Variants in ZFYVE19 observed in about 807,000 individuals in gnomAD.
The protein encoded by ZFYVE19 is abscission/NoCut checkpoint regulator.
A neutral mutation model predicts 62.8 loss-of-function variants in ZFYVE19; 49 were observed. The ratio of observed to expected loss-of-function variants is 0.78; its 90% CI spans 0.62 to 0.99. The LOEUF (loss-of-function observed/expected upper bound fraction) is 0.99, where lower values mean the gene tolerates loss of function less well. Ranked by LOEUF, ZFYVE19 falls within the 50% of genes least tolerant of loss-of-function variation. The pLI is 0.00. For synonymous variants in ZFYVE19, 242 were observed against 234.3 expected, an observed-to-expected ratio of 1.03 and a Z score of -0.30; for missense variants, 630 against 601.9, an observed-to-expected ratio of 1.05 and a Z score of -0.49.
Position 40,813,985 on chromosome 15 carries a change from C to T in ZFYVE19, c.1252C>T (p.Leu418Phe). Residue 418 changes from leucine to phenylalanine, a missense_variant, in exon 10 of 11, where the codon CTC (leucine) becomes TTC (phenylalanine). Physicochemically the swap from Leu to Phe is conservative, Grantham distance 22 (BLOSUM62 0). Coordinates refer to ENST00000355341, the MANE Select transcript of ZFYVE19 (RefSeq NM_001077268.2). ...CAGGCCTGAGGCTGAGGAAGAGGAG[C>T]TCCCCTGGTGCTGCATCTGCAATGA... ...DPRPEAEEEE[L>F]PWCCICNEDA... The T allele has an allele frequency of 6.2e-7, 1 of 1,613,486 alleles. No individual in the cohort carries two copies. The highest frequency in any genetic ancestry group is 8.5e-7 in the Non-Finnish European group (1 of 1,179,678).
In ZFYVE19 at chr15:40,810,079, C is replaced by G. The variant is rs543051095; in HGVS notation, c.580C>G (p.Pro194Ala). ...CCCCATGCCAATTGCAGAGTTAGTC[C>G]CCTCACAGGCAGAGATAGAGGCACG... ...LRQENKPKLV[P>A]SQAEIEARLA... Residue 194 changes from proline (P) to alanine (A), a missense_variant, in exon 5 of 11, where the codon CCC becomes GCC. Transcript: ENST00000355341. 6.2e-7 allele frequency: 1 copy of G among 1,614,166 alleles called. No individual in the cohort carries two copies. Among genetic ancestry groups the G allele is most frequent in the African/African-American group, 1.3e-5 (1 of 75,044 alleles).
chr15:40,814,102 C>T (rs747949690), intron 10 of ZFYVE19, 32 bp downstream of exon 10: 1 of 1,614,178 alleles, frequency 6.2e-7, no homozygotes, highest in Non-Finnish European at 8.5e-7. Flanking sequence ...TGTGCGAGAG[C>T]TCAAGGGCTG....
Position 40,814,295 on chromosome 15 carries a change from G to A in ZFYVE19, c.*69G>A. On this transcript the variant is annotated 3_prime_UTR_variant, in exon 11 of 11. Coordinates refer to ENST00000355341, the MANE Select transcript of ZFYVE19 (RefSeq NM_001077268.2). Reference sequence around the variant, plus strand: ...CACCCATTTCTGGGCCCAGCCACAGGACGTCCGATGGGAGAGCTTGTCTGG... The same window carrying A: ...CACCCATTTCTGGGCCCAGCCACAGAACGTCCGATGGGAGAGCTTGTCTGG... 2 of 1,564,246 alleles carry A rather than the reference G, an allele frequency of 1.3e-6. No homozygotes were observed. Among genetic ancestry groups the A allele is most frequent in the Non-Finnish European group, 1.7e-6 (2 of 1,146,010 alleles).
At position 40,810,866 on chromosome 15, in the gene ZFYVE19, A is replaced by G. The variant is rs968525452; in HGVS notation, c.826+109A>G. The G allele has an allele frequency of 1.7e-5, 24 of 1,391,468 alleles. No homozygotes were observed. The East Asian group carries it at 4.3e-4, about 25-fold the overall frequency. 86.2% of individuals were successfully genotyped at this position (1,391,468 alleles called of 1,614,324 possible). ...ATGAATATAAATCGGAGAGTGATCA[A>G]CGTTATAAGAGTTACCATTCATTGA... On this transcript the variant is annotated intron_variant, in intron 6 of 10. Transcript: ENST00000355341.
intron 2 of ZFYVE19, 68 bp from the exon 3 acceptor site, chr15:40,809,340 G>A (rs1455192164): frequency 1.1e-5 from 18 of 1,613,886 alleles, no homozygotes; most frequent in South Asian, 3.3e-5. Context: ...AGCCGAGGAA[G>A]TGTTTGGAGT....
rs776150648 is a variant in ZFYVE19, at chr15:40,807,247, C to A, written c.-343C>A. 1 of 1,579,432 alleles carries A rather than the reference C, an allele frequency of 6.3e-7. No homozygotes were observed. Among genetic ancestry groups the A allele is most frequent in the South Asian group, 1.1e-5 (1 of 87,758 alleles). ...CCGCCTGCGGAGGGCATAGCGCCGA[C>A]CCTCGCTCCCCGCCCAGGACCCGAA... On this transcript the variant is annotated 5_prime_UTR_variant, in exon 1 of 11. Coordinates refer to ENST00000355341, the MANE Select transcript of ZFYVE19 (RefSeq NM_001077268.2).
chr15:40,813,918 C>T (rs369795423), intron 9 of ZFYVE19, 25 bp from the exon 10 acceptor site: 17 of 1,593,098 alleles, frequency 1.1e-5, no homozygotes, highest in African/African-American at 1.3e-5. Flanking sequence ...ACCTTACTTC[C>T]TCCATTCCTC....
Position 40,807,474 on chromosome 15 carries a change from A to G in ZFYVE19, c.-116A>G. Reference sequence around the variant, plus strand: ...TTCCGGCCTGACGGATTCGTACTACAACTCCCAAGAGTCTAAGCGCGCGTG... The same window carrying G: ...TTCCGGCCTGACGGATTCGTACTACGACTCCCAAGAGTCTAAGCGCGCGTG... On this transcript the variant is annotated 5_prime_UTR_variant, in exon 1 of 11. Transcript: ENST00000355341. 1.2e-6 allele frequency: 2 copies of G among 1,613,938 alleles called. No homozygotes were observed. The highest frequency in any genetic ancestry group is 1.7e-6 in the Non-Finnish European group (2 of 1,179,816).
chr15:40,807,661 C>A lies in ZFYVE19; in HGVS notation c.72C>A (p.Phe24Leu). The part of the protein sequence containing the change: ...PYAGCRRASG[F>L]PALGRGGTVP... The stretch of plus-strand genomic sequence containing the variant: ...CTGGCTGCAGGAGAGCGTCCGGATT[C>A]CCTGCTCTAGGTCGCGGCGGGACAG... Residue 24 changes from phenylalanine (F) to leucine (L), a missense_variant, in exon 1 of 11, where the codon TTC (phenylalanine) becomes TTA (leucine). Physicochemically the swap from Phe to Leu is conservative, Grantham distance 22 (BLOSUM62 0). Transcript: ENST00000355341. The A allele has an allele frequency of 6.2e-7, 1 of 1,612,510 alleles. No individual in the cohort carries two copies. The highest frequency in any genetic ancestry group is 8.5e-7 in the Non-Finnish European group (1 of 1,179,742).
At chr15:40,810,871 A>T in intron 6 of ZFYVE19, 114 bp downstream of exon 6, 6 of 1,359,468 alleles carry the variant, frequency 4.4e-6, no homozygotes, top group Non-Finnish European at 5.0e-6. Context: ...GATCAACGTT[A>T]TAAGAGTTAC....
intron 6 of ZFYVE19, chr15:40,811,004 T>A: frequency 4.4e-6 from 2 of 452,204 alleles, no homozygotes. Flanking sequence ...CTGGACAAGT[T>A]ACTTGACCTA....
Position 40,814,406 on chromosome 15 carries a change from G to A in ZFYVE19, c.*180G>A, listed in dbSNP as rs1180529319. 3 of 743,528 alleles carry A rather than the reference G, an allele frequency of 4.0e-6. No homozygotes were observed. Among genetic ancestry groups the A allele is most frequent in the Non-Finnish European group, 6.5e-6 (3 of 464,048 alleles). The allele number at this position is 743,528 out of a possible 1,614,324, so 46.1% of individuals were successfully genotyped here. On this transcript the variant is annotated 3_prime_UTR_variant, in exon 11 of 11. Transcript: ENST00000355341. ...TCTCCATTCGAGAGAATGACTGGGA[G>A]GGAAGAAGTCGGGGCCCTCCTATTA...
In ZFYVE19 at chr15:40,814,044, G is replaced by A; in HGVS notation, c.1311G>A (p.Gly437=). 6.2e-7 allele frequency: 1 copy of A among 1,614,038 alleles called. No individual in the cohort carries two copies. Among genetic ancestry groups the A allele is most frequent in the Non-Finnish European group, 8.5e-7 (1 of 1,179,938 alleles). ...CCCTACGCTGCGCTGGCTGCGATGGGGACCTCTTCTGTGCCCGCTGCTTCC... is the reference window on the plus strand; with the variant it reads ...CCCTACGCTGCGCTGGCTGCGATGGAGACCTCTTCTGTGCCCGCTGCTTCC... ...DATLRCAGCD[G]DLFCARCFRE... The change falls in exon 10 of 11, where the codon GGG becomes GGA. Residue 437 remains glycine, a synonymous_variant. Transcript: ENST00000355341.
At position 40,809,246 on chromosome 15, in the gene ZFYVE19, A is replaced by T; in HGVS notation, c.401+6A>T. The stretch of plus-strand genomic sequence containing the variant: ...TGCCATGAGGTCCTGACCAGGTAAG[A>T]GGCAGGCATGGGTGAAAGTTCAGCC... On this transcript the variant is annotated splice_donor_region_variant and intron_variant, in intron 2 of 10. Transcript: ENST00000355341. The T allele has an allele frequency of 1.9e-6, 3 of 1,614,030 alleles. No individual in the cohort carries two copies. Among genetic ancestry groups the T allele is most frequent in the Non-Finnish European group, 2.5e-6 (3 of 1,179,952 alleles).
At chr15:40,813,444 C>G in intron 8 of ZFYVE19, 27 bp downstream of exon 8, 1 of 1,576,198 alleles carries the variant, frequency 6.3e-7, no homozygotes. Context: ...CACCTGCCAC[C>G]CCTTGTCCCG....
Position 40,807,434 on chromosome 15 carries a change from T to C in ZFYVE19, c.-156T>C, listed in dbSNP as rs777087065. 7 of 1,614,132 alleles carry C rather than the reference T, an allele frequency of 4.3e-6. No individual in the cohort carries two copies. In the African/African-American group the frequency reaches 5.3e-5, roughly 12 times the overall value. On this transcript the variant is annotated 5_prime_UTR_variant, in exon 1 of 11. Transcript: ENST00000355341. ...TACAGGTCCATCTGTAAGAGCTCCTTGGTCACTGCCATGGTTCCGGCCTGA... is the reference window on the plus strand; with the variant it reads ...TACAGGTCCATCTGTAAGAGCTCCTCGGTCACTGCCATGGTTCCGGCCTGA...
chr15:40,813,227 A>G (rs1890552835), intron 7 of ZFYVE19, 111 bp from the exon 8 acceptor site: 1 of 1,041,758 alleles, frequency 9.6e-7, no homozygotes, highest in Non-Finnish European at 1.4e-6. Context: ...CAGCTCTGGA[A>G]TAAGTGCCCC....
chr15:40,809,490 T>G (rs757156951), intron 3 of ZFYVE19, 32 bp downstream of exon 3: 1 of 1,612,332 alleles, frequency 6.2e-7, no homozygotes, highest in Non-Finnish European at 8.5e-7. Flanking sequence ...ACAAAGAGCA[T>G]TGGGGAAAGG....
In ZFYVE19 at chr15:40,814,225, G is replaced by A. The variant is rs184274693; in HGVS notation, c.1415G>A (p.Ter472=). The A allele has an allele frequency of 1.2e-6, 2 of 1,614,174 alleles. No individual in the cohort carries two copies. Among genetic ancestry groups the A allele is most frequent in the East Asian group, 2.2e-5 (1 of 44,886 alleles). ...CCTCCACGTGCAGGCCAAGAGCACT[G>A]AAGACACCCTGGTCCTCCCGGAAGG... The part of the protein sequence containing the change: ...YSPPRAGQEH[*] The change falls in exon 11 of 11, where the codon TGA becomes TAA. Residue 472 remains the stop codon, a stop_retained_variant. Coordinates refer to ENST00000355341, the MANE Select transcript of ZFYVE19 (RefSeq NM_001077268.2).
Sources: allele counts gnomAD v4.1 joint callset, GRCh38; gene constraint gnomAD v4.1.1; transcripts MANE v1.5; gene names NCBI Gene and HGNC (gene_info 2026-07-23, HGNC 2026-07-21).